GRXCR1: variants seen among roughly 807,000 people sequenced by gnomAD.
The protein encoded by GRXCR1 is glutaredoxin and cysteine rich domain containing 1.
A neutral mutation model predicts 27.3 loss-of-function variants in GRXCR1; 27 were observed. The ratio of observed to expected loss-of-function variants is 0.99; its 90% CI spans 0.73 to 1.37. GRXCR1 has a LOEUF of 1.37. GRXCR1 is among the 40% of genes most tolerant of loss of function. The pLI is 0.00. For missense variants in GRXCR1, 379 were observed against 354.4 expected (o/e 1.07, Z -0.56); for synonymous variants, 122 against 131.1 (o/e 0.93, Z 0.47).
chr4:42,950,086 C>T (rs1207426928), intron 1 of GRXCR1, among the ~76,000 whole-genome samples: 1 of 152,088 alleles, frequency 6.6e-6, no homozygotes, highest in East Asian at 1.9e-4. Context: ...TTGAGAAACA[C>T]TTTAATCTTA....
intron 2 of GRXCR1, among the ~76,000 whole-genome samples, chr4:43,009,967 G>A (rs1390772402): frequency 6.6e-6 from 1 of 152,002 alleles, no homozygotes; most frequent in East Asian, 1.9e-4. Context: ...AATAAATCTG[G>A]GTTGGGAGAA....
chr4:42,990,812 T>A (rs1381738309), intron 2 of GRXCR1, among the ~76,000 whole-genome samples: 1 of 152,146 alleles, frequency 6.6e-6, no homozygotes, highest in Non-Finnish European at 1.5e-5. Context: ...TTGGAAAGAA[T>A]ATGTAGTCTC....
At chr4:42,900,210 C>T (rs1029439297) in intron 1 of GRXCR1, among the ~76,000 whole-genome samples, 1 of 152,000 alleles carries the variant, frequency 6.6e-6, no homozygotes, top group African/African-American at 2.4e-5. Flanking sequence ...ATAATTATTG[C>T]CTGGAAGGGA....
At chr4:42,949,551 G>A (rs945270799) in intron 1 of GRXCR1, among the ~76,000 whole-genome samples, 1 of 152,020 alleles carries the variant, frequency 6.6e-6, no homozygotes, top group African/African-American at 2.4e-5. Context: ...CCTGACATTA[G>A]TCCTGTCACA....
chr4:42,983,540 C>T (rs1264572082), intron 2 of GRXCR1, among the ~76,000 whole-genome samples: 2 of 151,508 alleles, frequency 1.3e-5, no homozygotes, highest in Non-Finnish European at 2.9e-5. Flanking sequence ...GCGATGCGGG[C>T]TCTTTTTTGG....
At chr4:42,951,606 T>G (rs1054482442) in intron 1 of GRXCR1, among the ~76,000 whole-genome samples, 6 of 152,200 alleles carry the variant, frequency 3.9e-5, no homozygotes, top group Non-Finnish European at 5.9e-5. Context: ...TATGATAGAA[T>G]GATTTGTATT....
At chr4:42,993,396 A>G (rs979707449) in intron 2 of GRXCR1, among the ~76,000 whole-genome samples, 9 of 152,038 alleles carry the variant, frequency 5.9e-5, no homozygotes, top group African/African-American at 2.2e-4. Context: ...TCTTGTGTCA[A>G]TCTTTAAACT....
At chr4:43,000,876 T>G (rs1712334370) in intron 2 of GRXCR1, among the ~76,000 whole-genome samples, 1 of 152,056 alleles carries the variant, frequency 6.6e-6, no homozygotes, top group African/African-American at 2.4e-5. Context: ...AGCCGTATAC[T>G]TGGACTGTAT....
intron 2 of GRXCR1, among the ~76,000 whole-genome samples, chr4:42,989,040 G>C (rs577760025): frequency 6.6e-6 from 1 of 152,302 alleles, no homozygotes; most frequent in Non-Finnish European, 1.5e-5. Context: ...CATGAAGCTA[G>C]TTGCCTTTGC....
At chr4:42,979,798 G>A (rs1350582038) in intron 2 of GRXCR1, among the ~76,000 whole-genome samples, 1 of 151,722 alleles carries the variant, frequency 6.6e-6, no homozygotes, top group Non-Finnish European at 1.5e-5. Context: ...ATCAGGTCTT[G>A]GGCTTTTGTA....
chr4:42,974,513 A>C (rs1366188692), intron 2 of GRXCR1, among the ~76,000 whole-genome samples: 1 of 152,168 alleles, frequency 6.6e-6, no homozygotes, highest in African/African-American at 2.4e-5. Flanking sequence ...AAGCTGATCT[A>C]ATCACTAATG....
chr4:42,988,163 G>A (rs1342139625), intron 2 of GRXCR1, among the ~76,000 whole-genome samples: 1 of 152,186 alleles, frequency 6.6e-6, no homozygotes, highest in African/African-American at 2.4e-5. Context: ...TACCTTGGCA[G>A]CAATGATACT....
chr4:42,930,939 A>C (rs1487575801), intron 1 of GRXCR1, among the ~76,000 whole-genome samples: 2 of 152,028 alleles, frequency 1.3e-5, no homozygotes, highest in African/African-American at 4.8e-5. Flanking sequence ...CATCAGGTGC[A>C]AACTCTAAAG....
chr4:42,930,899 A>C (rs977419312), intron 1 of GRXCR1, among the ~76,000 whole-genome samples: 3 of 151,920 alleles, frequency 2.0e-5, no homozygotes, highest in East Asian at 3.9e-4. Flanking sequence ...CAAGCTAGTA[A>C]ATTTTCTTGC....
Position 42,956,356 on chromosome 4 carries a change from G to T in GRXCR1, c.385-6536G>T, listed in dbSNP as rs553297555. ...CATGGTAACCCTCAGGAAGGGAGAAGAGGGACAGCCATTAGAGGCTATTTT... is the reference window on the plus strand; with the variant it reads ...CATGGTAACCCTCAGGAAGGGAGAATAGGGACAGCCATTAGAGGCTATTTT... On this transcript the variant is annotated intron_variant, in intron 1 of 3. Transcript: ENST00000399770. 3.9e-5 allele frequency among the ~76,000 whole-genome samples: 6 copies of T among 152,220 alleles called. No homozygotes were observed. In the South Asian group the frequency reaches 1.2e-3, roughly 32 times the overall value.
At position 42,961,538 on chromosome 4, in the gene GRXCR1, A is replaced by G. The variant is rs73177729; in HGVS notation, c.385-1354A>G. ...TGCCTAATCTGTGTAACATTTCTCT[A>G]TTTAGATGCTATTCTTAGCATTTCC... On this transcript the variant is annotated intron_variant, in intron 1 of 3. Transcript: ENST00000399770. 4.2e-3 allele frequency among the ~76,000 whole-genome samples: 646 copies of G among 152,076 alleles called. 2 individuals carry two copies. Among genetic ancestry groups the G allele is most frequent in the African/African-American group, 0.014 (589 of 41,516 alleles).
At chr4:42,983,792 G>A (rs913681424) in intron 2 of GRXCR1, among the ~76,000 whole-genome samples, 5 of 148,496 alleles carry the variant, frequency 3.4e-5, no homozygotes, top group African/African-American at 5.0e-5. Flanking sequence ...TCTCCTCTAA[G>A]TGTATATTTT....
At chr4:43,010,393 A>T (rs1473398517) in intron 2 of GRXCR1, among the ~76,000 whole-genome samples, 1 of 150,154 alleles carries the variant, frequency 6.7e-6, no homozygotes, top group Non-Finnish European at 1.5e-5. Context: ...ACAAGAGAGA[A>T]ACTCCATCTC....
chr4:42,968,086 C>G (rs1165174188), intron 2 of GRXCR1, among the ~76,000 whole-genome samples: 2 of 152,058 alleles, frequency 1.3e-5, no homozygotes, highest in African/African-American at 4.8e-5. Context: ...ATCCAGAGTT[C>G]TCAGTGAAGC....
Sources: allele counts gnomAD v4.1 joint callset (sites outside exome capture counted in the v4.1 genomes callset), GRCh38; gene constraint gnomAD v4.1.1; transcripts MANE v1.5; gene names NCBI Gene and HGNC (gene_info 2026-07-23, HGNC 2026-07-21).